The following NDRG4 variants were observed in gnomAD, a reference collection of about 807,000 sequenced individuals.
NDRG4 encodes the protein protein NDRG4.
In NDRG4, 38 loss-of-function variants were observed where a neutral mutation model predicts 55.8. The observed-to-expected ratio is 0.68, with a 90% CI of 0.53 to 0.89. NDRG4 has a LOEUF of 0.89. Among genes scored for constraint, NDRG4 ranks in the 40% least tolerant of loss-of-function variants. NDRG4 has a pLI of 0.00. For synonymous variants in NDRG4, 190 were observed against 182.7 expected, an observed-to-expected ratio of 1.04 and a Z score of -0.32; for missense variants, 455 against 468.6, an observed-to-expected ratio of 0.97 and a Z score of 0.27.
intron 1 of NDRG4, chr16:58,501,059 CCT>C: frequency 8.1e-7 from 1 of 1,236,912 alleles, no homozygotes; most frequent in Non-Finnish European, 1.0e-6. Context: ...CAGGGCACCT[CCT>C]CTCGCCGGGG....
At chr16:58,485,040 C>T (rs1365271981) in intron 1 of NDRG4, among the ~76,000 whole-genome samples, 2 of 152,010 alleles carry the variant, frequency 1.3e-5, no homozygotes, top group African/African-American at 2.4e-5. Flanking sequence ...CACCACCATG[C>T]CCAGCTAATT....
At position 58,506,390 on chromosome 16, in the gene NDRG4, A is replaced by C; in HGVS notation, c.376A>C (p.Ile126Leu). Residue 126 changes from isoleucine to leucine, a missense_variant, in exon 6 of 15, where the codon ATC (isoleucine) becomes CTC (leucine). Physicochemically the swap from Ile to Leu is conservative, Grantham distance 5 (BLOSUM62 2). Transcript: ENST00000570248. ...CCTGTTTCCCCTCTTACTGCAGCTC[A>C]TCTTCCCCGACCTGGTGGAGGGGCT... The part of the protein sequence containing the change: ...GAYVLAKFAL[I>L]FPDLVEGLVL... The C allele has an allele frequency of 6.2e-7, 1 of 1,613,678 alleles. No homozygotes were observed.
chr16:58,497,241 G>A (rs2036510765), upstream of NDRG4, among the ~76,000 whole-genome samples: 1 of 152,140 alleles, frequency 6.6e-6, no homozygotes, highest in South Asian at 2.1e-4. Flanking sequence ...AGAATGGCTT[G>A]AACCCGGGAG....
intron 1 of NDRG4, among the ~76,000 whole-genome samples, chr16:58,467,271 G>T (rs1291014727): frequency 6.6e-6 from 1 of 152,198 alleles, no homozygotes; most frequent in East Asian, 1.9e-4. Context: ...ACTTTGGGAG[G>T]CCAAGGCAGG....
chr16:58,510,564 C>T, intron 13 of NDRG4, 81 bp from the exon 14 acceptor site: 1 of 1,239,776 alleles, frequency 8.1e-7, no homozygotes, highest in Non-Finnish European at 1.1e-6. Flanking sequence ...TCTCAATGCC[C>T]TTGACTCAGC....
intron 2 of NDRG4, among the ~76,000 whole-genome samples, chr16:58,489,885 C>A (rs2035570427): frequency 6.6e-6 from 1 of 152,116 alleles, no homozygotes; most frequent in Admixed American, 6.6e-5. Context: ...CACTCTGTCA[C>A]CCAGGCTGGA....
intron 2 of NDRG4, among the ~76,000 whole-genome samples, chr16:58,493,888 G>A (rs971448847): frequency 7.9e-5 from 12 of 152,192 alleles, no homozygotes; most frequent in African/African-American, 2.4e-4. Context: ...TACAGATGGG[G>A]AGACGGGGAC....
At chr16:58,503,403 C>A (rs1284177666) in intron 1 of NDRG4, among the ~76,000 whole-genome samples, 1 of 152,170 alleles carries the variant, frequency 6.6e-6, no homozygotes, top group Non-Finnish European at 1.5e-5. Context: ...TCCCCTGCAG[C>A]AGCAGGAAGT....
chr16:58,467,308 A>G (rs2031880356), intron 1 of NDRG4, among the ~76,000 whole-genome samples: 1 of 152,218 alleles, frequency 6.6e-6, no homozygotes, highest in South Asian at 2.1e-4. Flanking sequence ...GGAGTTCAAG[A>G]CCAGCCTGGC....
intron 1 of NDRG4, chr16:58,465,108 G>T: frequency 1.6e-6 from 2 of 1,287,036 alleles, no homozygotes; most frequent in Non-Finnish European, 2.0e-6. Flanking sequence ...GAGGATTCGA[G>T]GAGTGACTTC....
chr16:58,500,462 T>G, intron 1 of NDRG4, 193 bp downstream of exon 1: 4 of 496,308 alleles, frequency 8.1e-6, no homozygotes, highest in South Asian at 2.5e-5. Flanking sequence ...CAGGAGTGGC[T>G]GGGGGCAGCT....
At chr16:58,500,425 C>T in intron 1 of NDRG4, 156 bp downstream of exon 1, 3 of 1,019,370 alleles carry the variant, frequency 2.9e-6, no homozygotes, top group African/African-American at 1.6e-5. Flanking sequence ...GGCCAGAGTG[C>T]TCCAGGTTCC....
At chr16:58,487,390 T>TGC (rs2035220943) in intron 1 of NDRG4, among the ~76,000 whole-genome samples, 1 of 151,296 alleles carries the variant, frequency 6.6e-6, no homozygotes, top group Admixed American at 6.6e-5. Flanking sequence ...GGTGGTGGTG[T>TGC]GCACCTGTAA....
intron 2 of NDRG4, among the ~76,000 whole-genome samples, chr16:58,489,687 C>T (rs2035542749): frequency 6.6e-6 from 1 of 152,082 alleles, no homozygotes. Flanking sequence ...GTGCCTCACA[C>T]AGCACACATA....
chr16:58,504,070 G>A, intron 2 of NDRG4, 84 bp from the exon 3 acceptor site: 1 of 1,598,360 alleles, frequency 6.3e-7, no homozygotes, highest in South Asian at 1.1e-5. Context: ...TTACACTTCT[G>A]CCTTGCCTGC....
intron 10 of NDRG4, 49 bp from the exon 11 acceptor site, chr16:58,508,913 G>A: frequency 3.1e-6 from 5 of 1,602,970 alleles, no homozygotes; most frequent in Non-Finnish European, 4.3e-6. Flanking sequence ...TTGGCAATGG[G>A]GGTGGGGAGG....
At position 58,506,542 on chromosome 16, in the gene NDRG4, G is replaced by C. The variant is rs774617267; in HGVS notation, c.460-16G>C. 6.3e-7 allele frequency: 1 copy of C among 1,599,282 alleles called. No individual in the cohort carries two copies. The highest frequency in any genetic ancestry group is 8.5e-7 in the Non-Finnish European group (1 of 1,174,200). ...GGTGAGGGGCGGCACTCACGCTGGC[G>C]CCCTGCTCCCTGCAGCTCTCCGGCC... is the stretch of plus-strand genomic sequence containing the variant. On this transcript the variant is annotated splice_polypyrimidine_tract_variant and intron_variant, in intron 6 of 14. Transcript: ENST00000570248.
Position 58,504,658 on chromosome 16 carries a change from C to T in NDRG4, c.372+9C>T, listed in dbSNP as rs756299747. On this transcript the variant is annotated intron_variant, in intron 5 of 14. Coordinates refer to ENST00000570248, the MANE Select transcript of NDRG4 (RefSeq NM_001242835.2). ...TGCTGGCCAAGTTTGCAGTGAGTCTCCCCATGCCCCCATTACCCCAAACAC... is the reference window on the plus strand; with the variant it reads ...TGCTGGCCAAGTTTGCAGTGAGTCTTCCCATGCCCCCATTACCCCAAACAC... 1 of 1,614,140 alleles carries T rather than the reference C, an allele frequency of 6.2e-7. No homozygotes were observed. The highest frequency in any genetic ancestry group is 1.1e-5 in the South Asian group (1 of 91,084).
intron 2 of NDRG4, among the ~76,000 whole-genome samples, chr16:58,492,104 C>T (rs1338579804): frequency 2.0e-5 from 3 of 152,214 alleles, no homozygotes; most frequent in Admixed American, 2.0e-4. Context: ...TTTAAATGTT[C>T]TGCCATTTGC....
Sources: gnomAD v4.1 joint callset for allele counts (sites outside exome capture counted in the v4.1 genomes callset) on GRCh38, gnomAD v4.1.1 for gene constraint, MANE v1.5 for transcripts, NCBI Gene and HGNC (gene_info 2026-07-23, HGNC 2026-07-21) for gene names.